The following FSD2 variants were observed in gnomAD, a reference collection of about 807,000 sequenced individuals.
The protein encoded by FSD2 is fibronectin type III and SPRY domain-containing protein 2.
Under a neutral mutation model 80.4 loss-of-function variants are expected in FSD2, and 71 were observed. That is an observed-to-expected ratio of 0.88 (90% confidence interval 0.73 to 1.08). The LOEUF (loss-of-function observed/expected upper bound fraction) is 1.08, where lower values mean the gene tolerates loss of function less well. Ranked by LOEUF, FSD2 falls within the 50% of genes least tolerant of loss-of-function variation. FSD2 has a pLI of 0.00. For missense variants in FSD2, 923 were observed against 913.8 expected (o/e 1.01, Z -0.13); for synonymous variants, 361 against 329.5 (o/e 1.10, Z -1.03).
At chr15:82,771,013 G>C (rs1257791565) in intron 7 of FSD2, among the ~76,000 whole-genome samples, 1 of 151,642 alleles carries the variant, frequency 6.6e-6, no homozygotes. Context: ...AAAGCTCCTC[G>C]CCCCTCTCCA....
At position 82,758,956 on chromosome 15, in the gene FSD2, T is replaced by C. The variant is rs1440033917; in HGVS notation, c.*392A>G. 2 of 181,048 alleles carry C rather than the reference T, an allele frequency of 1.1e-5. No individual in the cohort carries two copies. The highest frequency in any genetic ancestry group is 2.3e-5 in the Non-Finnish European group (2 of 85,436). 11.2% of individuals were successfully genotyped at this position (181,048 alleles called of 1,614,324 possible). ...TCGCCTTCTCAAGTGTATTCTTGGC[T>C]GACTCATGAAATGCATGGGTGTACT... On this transcript the variant is annotated 3_prime_UTR_variant, in exon 13 of 13. Transcript: ENST00000334574.
At position 82,756,541 on chromosome 15, in the gene FSD2, TA is replaced by T. The variant is rs1242003432; in HGVS notation, c.*2806del. 1 of 152,272 alleles carries T rather than the reference TA, an allele frequency of 6.6e-6. No individual in the cohort carries two copies. The highest frequency in any genetic ancestry group is 1.5e-5 in the Non-Finnish European group (1 of 68,058). 9.4% of individuals were successfully genotyped at this position (152,272 alleles called of 1,614,324 possible). The stretch of plus-strand genomic sequence containing the variant: ...AAGTAATTTATTAAACACACTTTTC[TA>T]AATAAAAGTCATTTAATTTTATCAG... On this transcript the variant is annotated 3_prime_UTR_variant, in exon 13 of 13. Coordinates refer to ENST00000334574, the MANE Select transcript of FSD2 (RefSeq NM_001007122.4).
chr15:82,798,770 C>T (rs1220559122), intron 1 of FSD2, among the ~76,000 whole-genome samples: 7 of 152,136 alleles, frequency 4.6e-5, no homozygotes, highest in African/African-American at 1.7e-4. Context: ...TAACTTTCTG[C>T]AGTGATAGAC....
chr15:82,769,929 A>C (rs1281918385), intron 7 of FSD2, 45 bp from the exon 8 acceptor site: 1 of 1,608,056 alleles, frequency 6.2e-7, no homozygotes, highest in Non-Finnish European at 8.5e-7. Context: ...AAACTGGCCA[A>C]GTGGCTCCAA....
chr15:82,764,926 C>G (rs1360909904), intron 11 of FSD2, among the ~76,000 whole-genome samples: 1 of 152,020 alleles, frequency 6.6e-6, no homozygotes, highest in Non-Finnish European at 1.5e-5. Context: ...CCATGCCCTC[C>G]CAGGGGACCG....
intron 9 of FSD2, among the ~76,000 whole-genome samples, chr15:82,766,785 A>G (rs921346765): frequency 1.3e-5 from 2 of 152,114 alleles, no homozygotes; most frequent in African/African-American, 2.4e-5. Context: ...TGAGCAAACA[A>G]TTCTGACTAG....
chr15:82,786,723 A>G lies in FSD2; in HGVS notation c.639+29T>C, dbSNP rs373552692. 3 of 1,610,378 alleles carry G rather than the reference A, an allele frequency of 1.9e-6. No homozygotes were observed. The Admixed American group carries it at 5.0e-5, about 27-fold the overall frequency. On this transcript the variant is annotated intron_variant, in intron 2 of 12. Transcript: ENST00000334574. ...CTTGAGATACCAAAGCAATATCAAG[A>G]CAGAGAAGAACCAAGGACACCTATT...
intron 1 of FSD2, among the ~76,000 whole-genome samples, chr15:82,798,452 G>C (rs1204370516): frequency 6.6e-6 from 1 of 152,016 alleles, no homozygotes; most frequent in East Asian, 1.9e-4. Flanking sequence ...TCACAATCCA[G>C]TTCCTAATGC....
chr15:82,783,856 G>C (rs2049932661), intron 3 of FSD2, among the ~76,000 whole-genome samples: 1 of 152,174 alleles, frequency 6.6e-6, no homozygotes, highest in Admixed American at 6.6e-5. Flanking sequence ...GTTGTGGTCT[G>C]GCGGCACTGC....
chr15:82,775,411 AT>A (rs1387508396), intron 6 of FSD2, among the ~76,000 whole-genome samples: 5 of 151,824 alleles, frequency 3.3e-5, no homozygotes, highest in Non-Finnish European at 7.4e-5. Flanking sequence ...AAAAAAAAAA[AT>A]TCATATAATT....
In FSD2 at chr15:82,785,476, C is replaced by A. The variant is rs2049973271; in HGVS notation, c.735+1035G>T. On this transcript the variant is annotated intron_variant, in intron 3 of 12. Transcript: ENST00000334574. ...AGTAGCTGGGACTACAGGCACATGG[C>A]ACCACACCCAGCTAATTTTTTATTA... Among the ~76,000 whole-genome samples, 4 of 152,028 alleles carry A rather than the reference C, an allele frequency of 2.6e-5. No homozygotes were observed. In the South Asian group the frequency reaches 8.3e-4, roughly 32 times the overall value.
rs1486313768 is a variant in FSD2 at position 82,755,430 on chromosome 15, T to C, written c.*3918A>G. On this transcript the variant is annotated 3_prime_UTR_variant, in exon 13 of 13. Coordinates refer to ENST00000334574, the MANE Select transcript of FSD2 (RefSeq NM_001007122.4). ...CATGTTGTTTGAATCAACTGCAGGC[T>C]AATTTGTAACATTTCAAATAAATGA... 1 of 152,210 alleles carries C rather than the reference T, an allele frequency of 6.6e-6. No individual in the cohort carries two copies. Among genetic ancestry groups the C allele is most frequent in the African/African-American group, 2.4e-5 (1 of 41,460 alleles). 9.4% of individuals were successfully genotyped at this position (152,210 alleles called of 1,614,324 possible). A position where few individuals can be genotyped will look rare whatever the true frequency, so the allele number is the denominator to read the frequency against.
At chr15:82,774,649 C>G (rs973087118) in intron 6 of FSD2, among the ~76,000 whole-genome samples, 1 of 152,104 alleles carries the variant, frequency 6.6e-6, no homozygotes, top group Non-Finnish European at 1.5e-5. Context: ...AGAGGTCAGC[C>G]TCTGTACTCA....
At chr15:82,773,771 C>T (rs1030925574) in intron 6 of FSD2, among the ~76,000 whole-genome samples, 11 of 152,044 alleles carry the variant, frequency 7.2e-5, no homozygotes, top group African/African-American at 2.2e-4. Context: ...TAGAAACACC[C>T]CAGTATCCAA....
At chr15:82,769,664 T>C in intron 8 of FSD2, 86 bp downstream of exon 8, 3 of 1,452,396 alleles carry the variant, frequency 2.1e-6, no homozygotes, top group Non-Finnish European at 2.8e-6. Flanking sequence ...CTGAATGAAA[T>C]CAAGAGCCCT....
At position 82,778,781 on chromosome 15, in the gene FSD2, T is replaced by C. The variant is rs201688440; in HGVS notation, c.1096A>G (p.Ile366Val). The stretch of plus-strand genomic sequence containing the variant: ...AGGTGAGCACCTGGAATGGTGTTAA[T>C]GGAGCCCATCAGCTGCTCCACATCA... ...FSDVEQLMGS[I>V]NTIPAPSAPV... Residue 366 changes from isoleucine to valine, a missense_variant, in exon 6 of 13, where the codon ATT (isoleucine) becomes GTT (valine). Physicochemically the swap from Ile to Val is conservative, Grantham distance 29. Coordinates refer to ENST00000334574, the MANE Select transcript of FSD2 (RefSeq NM_001007122.4). 2.2e-4 allele frequency: 355 copies of C among 1,611,922 alleles called. 1 individual carries two copies. The highest frequency in any genetic ancestry group is 4.2e-5 in the Non-Finnish European group (50 of 1,178,952).
At position 82,762,142 on chromosome 15, in the gene FSD2, A is replaced by C; in HGVS notation, c.1957T>G (p.Cys653Gly). ...GTGTGCCTCATGCACCAGGAGAGGC[A>C]ATTTGCTCCCAGATCCTCCTGTTTA... ...VRKQEDLGANCLSWCMRHTFA... is the reference protein window; with the variant it reads ...VRKQEDLGANGLSWCMRHTFA... The change falls in exon 12 of 13, where the codon TGC becomes GGC. Residue 653 changes from cysteine to glycine, a missense_variant. Cys to Gly is a radical substitution (Grantham distance 159). Transcript: ENST00000334574. 1 of 1,610,836 alleles carries C rather than the reference A, an allele frequency of 6.2e-7. No homozygotes were observed. Among genetic ancestry groups the C allele is most frequent in the South Asian group, 1.1e-5 (1 of 90,328 alleles).
chr15:82,797,042 C>A (rs11259950), intron 1 of FSD2, among the ~76,000 whole-genome samples: 51,996 of 107,652 alleles, frequency 0.48, 9,323 homozygotes, highest in Middle Eastern at 0.5. Flanking sequence ...AAAAAAAAAA[C>A]ACCTCCAGGG....
At chr15:82,762,658 G>A (rs2049319634) in intron 11 of FSD2, among the ~76,000 whole-genome samples, 1 of 152,166 alleles carries the variant, frequency 6.6e-6, no homozygotes, top group Non-Finnish European at 1.5e-5. Context: ...CACCACCATT[G>A]CTTATGGTAC....
Sources: gnomAD v4.1 joint callset for allele counts (sites outside exome capture counted in the v4.1 genomes callset) on GRCh38, gnomAD v4.1.1 for gene constraint, MANE v1.5 for transcripts, NCBI Gene and HGNC (gene_info 2026-07-23, HGNC 2026-07-21) for gene names.